TMEM266: variants seen among roughly 807,000 people sequenced by gnomAD.
TMEM266 encodes transmembrane protein 266.
In TMEM266, 33 loss-of-function variants were observed where a neutral mutation model predicts 50.5. That is an observed-to-expected ratio of 0.65 (90% CI 0.50 to 0.87). The LOEUF (loss-of-function observed/expected upper bound fraction) is 0.87, where lower values mean the gene tolerates loss of function less well. TMEM266 is among the 40% of genes least tolerant of loss of function. TMEM266 has a pLI of 0.00. For synonymous variants in TMEM266, 310 were observed against 292.3 expected, an observed-to-expected ratio of 1.06 and a Z score of -0.62; for missense variants, 655 against 695.1, an observed-to-expected ratio of 0.94 and a Z score of 0.65.
rs149471284 is a variant in TMEM266 at position 76,115,494 on chromosome 15, T to G, written c.-96-18674T>G. 3.4e-3 allele frequency among the ~76,000 whole-genome samples: 522 copies of G among 152,222 alleles called. 2 individuals carry two copies. The highest frequency in any genetic ancestry group is 0.012 in the African/African-American group (486 of 41,486). ...TCTCTGCTCTCTGGCTCCTGAAATG[T>G]GCTTTTTTAAGTTCCCTAGAAACCC... On this transcript the variant is annotated intron_variant, in intron 1 of 10. Transcript: ENST00000388942.
chr15:76,175,996 G>A (rs533135432), intron 8 of TMEM266: 102 of 246,444 alleles, frequency 4.1e-4, no homozygotes, highest in Admixed American at 1.1e-3. Flanking sequence ...AGACATGGTC[G>A]GTCTCTAAAG....
chr15:76,165,302 G>A (rs1294411466), intron 5 of TMEM266, among the ~76,000 whole-genome samples: 2 of 152,210 alleles, frequency 1.3e-5, no homozygotes, highest in African/African-American at 2.4e-5. Context: ...TGAGGCGGAA[G>A]GCAAGAGGGG....
intron 1 of TMEM266, among the ~76,000 whole-genome samples, chr15:76,128,630 ATAT>A (rs1462455429): frequency 3.9e-5 from 6 of 152,214 alleles, no homozygotes; most frequent in Non-Finnish European, 8.8e-5. Context: ...TGTTTGGGAA[ATAT>A]TATTTTTAAA....
At chr15:76,136,988 G>C (rs1190510814) in intron 2 of TMEM266, among the ~76,000 whole-genome samples, 2 of 152,226 alleles carry the variant, frequency 1.3e-5, no homozygotes, top group African/African-American at 4.8e-5. Flanking sequence ...GGAGTGGTTA[G>C]TTATTGGCAG....
At position 76,139,561 on chromosome 15, in the gene TMEM266, G is replaced by A. The variant is rs1342115622; in HGVS notation, c.227+1666G>A. 3.3e-5 allele frequency among the ~76,000 whole-genome samples: 5 copies of A among 152,208 alleles called. No individual in the cohort carries two copies. The highest frequency in any genetic ancestry group is 1.2e-4 in the African/African-American group (5 of 41,450). On this transcript the variant is annotated intron_variant, in intron 3 of 10. Coordinates refer to ENST00000388942, the MANE Select transcript of TMEM266 (RefSeq NM_152335.3). This position sits in a 1 kb window ranked among gnomAD's most constrained non-coding sequence, Gnocchi z 4.1. ...ACACTTGGCTAAATGCTCTGCCGCT[G>A]CTGTCTTGAAATTCTTAAGGAGCCC...
Position 76,204,108 on chromosome 15 carries a change from C to CGCCCG in TMEM266, c.1394_1398dup (p.Ser467GlyfsTer18), listed in dbSNP as rs765107552. ...AGAAGGCCTTGGACCCAGCCCCCCT[C>CGCCCG]GCCCGGCCCAGCCCAGCGGGCTCGG... is the stretch of plus-strand genomic sequence containing the variant. On this transcript the variant is annotated frameshift_variant, in exon 11 of 11. Coordinates refer to ENST00000388942, the MANE Select transcript of TMEM266 (RefSeq NM_152335.3). LOFTEE classifies it high-confidence loss of function. 3.1e-6 allele frequency: 5 copies of CGCCCG among 1,612,934 alleles called. No homozygotes were observed. The highest frequency in any genetic ancestry group is 1.7e-5 in the Admixed American group (1 of 60,006).
At chr15:76,068,981 T>C (rs2036489633) in intron 1 of TMEM266, among the ~76,000 whole-genome samples, 1 of 152,164 alleles carries the variant, frequency 6.6e-6, no homozygotes, top group African/African-American at 2.4e-5. Flanking sequence ...TTCCCACACT[T>C]TCTCCCGTCA....
chr15:76,096,755 G>T (rs1398732296), intron 1 of TMEM266, among the ~76,000 whole-genome samples: 1 of 151,956 alleles, frequency 6.6e-6, no homozygotes, highest in Non-Finnish European at 1.5e-5. Context: ...CTCTTTATAG[G>T]TCTCTAAGAA....
intron 9 of TMEM266, among the ~76,000 whole-genome samples, chr15:76,198,817 C>T (rs1327965793): frequency 2.2e-5 from 2 of 91,786 alleles, no homozygotes; most frequent in Non-Finnish European, 5.1e-5. Flanking sequence ...TGACACAAGA[C>T]AACAGGCAGG....
chr15:76,115,742 G>T (rs1248070389), intron 1 of TMEM266, among the ~76,000 whole-genome samples: 1 of 152,022 alleles, frequency 6.6e-6, no homozygotes, highest in Non-Finnish European at 1.5e-5. Flanking sequence ...TAGACAGGGC[G>T]CTTTTCGTAT....
In TMEM266 at chr15:76,169,831, G is replaced by A. The variant is rs1157629800; in HGVS notation, c.472G>A (p.Val158Met). The A allele has an allele frequency of 1.2e-6, 2 of 1,614,002 alleles. No individual in the cohort carries two copies. The highest frequency in any genetic ancestry group is 8.5e-7 in the Non-Finnish European group (1 of 1,179,946). Residue 158 changes from valine to methionine, a missense_variant, in exon 6 of 11, where the codon GTG becomes ATG. Val to Met is a conservative substitution (Grantham distance 21). Coordinates refer to ENST00000388942, the MANE Select transcript of TMEM266 (RefSeq NM_152335.3). ...CTTTCCTCAGACTGTTCTACGGATT[G>A]TGGTGCTTGGGATCTGGGATTACAT...
chr15:76,134,120 A>T (rs184904199), intron 1 of TMEM266, 48 bp from the exon 2 acceptor site: 157 of 766,560 alleles, frequency 2.0e-4, no homozygotes, highest in Non-Finnish European at 3.2e-4. Context: ...GCTTAGGAGG[A>T]CTTTGGTTTG....
Position 76,169,067 on chromosome 15 carries a change from C to T in TMEM266, c.457-749C>T, listed in dbSNP as rs1016190920. 3.9e-5 allele frequency among the ~76,000 whole-genome samples: 6 copies of T among 152,312 alleles called. No homozygotes were observed. In the South Asian group the frequency reaches 6.2e-4, roughly 16 times the overall value. On this transcript the variant is annotated intron_variant, in intron 5 of 10. Transcript: ENST00000388942. ...GGGGACCCAGCAGGCTTTTGTCTTG[C>T]GGCCTGGCCCTCCTTGGTTGAAGAT... is the stretch of plus-strand genomic sequence containing the variant.
rs141807946 is a variant in TMEM266, at chr15:76,181,847, G to A, written c.768+6173G>A. 3.9e-5 allele frequency among the ~76,000 whole-genome samples: 6 copies of A among 152,290 alleles called. No homozygotes were observed. The East Asian group carries it at 9.6e-4, about 24-fold the overall frequency. On this transcript the variant is annotated intron_variant, in intron 8 of 10. Transcript: ENST00000388942. ...ATGCGTGGGATCTCGCTCTAGTTCCGAAACACATTCTGAAGTCTCCGTTAC... is the reference window on the plus strand; with the variant it reads ...ATGCGTGGGATCTCGCTCTAGTTCCAAAACACATTCTGAAGTCTCCGTTAC...
intron 8 of TMEM266, among the ~76,000 whole-genome samples, chr15:76,179,839 A>G (rs1187649085): frequency 6.6e-6 from 1 of 152,186 alleles, no homozygotes; most frequent in African/African-American, 2.4e-5. Context: ...CTGTAATCCC[A>G]GTGCTCTGGA....
intron 8 of TMEM266, among the ~76,000 whole-genome samples, chr15:76,178,013 G>A (rs1388072366): frequency 2.0e-5 from 3 of 152,254 alleles, no homozygotes; most frequent in Non-Finnish European, 2.9e-5. Flanking sequence ...GGAACAGTGT[G>A]GGGTGTGCGA....
intron 5 of TMEM266, among the ~76,000 whole-genome samples, chr15:76,165,854 C>T (rs2142055814): frequency 6.6e-6 from 1 of 152,316 alleles, no homozygotes; most frequent in East Asian, 1.9e-4. Flanking sequence ...CACCCTTTCT[C>T]GTTATTGCTT....
At chr15:76,070,742 T>C (rs912970609) in intron 1 of TMEM266, among the ~76,000 whole-genome samples, 1 of 152,210 alleles carries the variant, frequency 6.6e-6, no homozygotes, top group Non-Finnish European at 1.5e-5. Context: ...ATAACTACAT[T>C]GCAAGGGTAG....
At chr15:76,068,449 T>G (rs2036475247) in intron 1 of TMEM266, among the ~76,000 whole-genome samples, 1 of 152,222 alleles carries the variant, frequency 6.6e-6, no homozygotes, top group African/African-American at 2.4e-5. Flanking sequence ...AAAGATCATA[T>G]CCAATACAGT....
Sources: allele counts gnomAD v4.1 joint callset (sites outside exome capture counted in the v4.1 genomes callset), GRCh38; gene constraint gnomAD v4.1.1; non-coding constraint Gnocchi (gnomAD v3.1); transcripts MANE v1.5; gene names NCBI Gene and HGNC (gene_info 2026-07-23, HGNC 2026-07-21).